The following TENM2 variants were observed in gnomAD, a reference collection of about 807,000 sequenced individuals.
TENM2 encodes teneurin-2.
A neutral mutation model predicts 245.2 loss-of-function variants in TENM2; 52 were observed. The observed-to-expected ratio is 0.21, with a 90% CI of 0.17 to 0.27. TENM2 has a LOEUF of 0.27. Among genes scored for constraint, TENM2 ranks in the 10% least tolerant of loss-of-function variants. TENM2 has a pLI of 1.00. For missense variants in TENM2, 3,046 were observed against 3,666.8 expected (o/e 0.83, Z 4.37); for synonymous variants, 1,363 against 1,438.9 (o/e 0.95, Z 1.19).
intron 2 of TENM2, among the ~76,000 whole-genome samples, chr5:167,859,377 G>A (rs1466192652): frequency 7.5e-5 from 11 of 146,494 alleles, no homozygotes; most frequent in African/African-American, 2.3e-4. Flanking sequence ...CGGGAGGGAG[G>A]TGGGGGGGGT....
chr5:168,031,157 T>TCAGTGCAGTG (rs1664240335), intron 5 of TENM2, among the ~76,000 whole-genome samples: 1 of 152,246 alleles, frequency 6.6e-6, no homozygotes, highest in South Asian at 2.1e-4. Flanking sequence ...GCTTCAAGAG[T>TCAGTGCAGTG]CAGTGCAGTG....
chr5:167,847,258 C>T lies in TENM2; in HGVS notation c.503-28728C>T, dbSNP rs578086422. On this transcript the variant is annotated intron_variant, in intron 2 of 28. Coordinates refer to ENST00000518659, the Ensembl canonical transcript of TENM2. ...ATGAGCCGCCATGCCCAGCCTCACC[C>T]TATCTTTATCCCACATAAATGTCTT... Among the ~76,000 whole-genome samples, 3 of 152,306 alleles carry T rather than the reference C, an allele frequency of 2.0e-5. No homozygotes were observed. In the South Asian group the frequency reaches 6.2e-4, roughly 32 times the overall value.
chr5:167,392,773 C>T (rs1047987167), intron 2 of TENM2, among the ~76,000 whole-genome samples: 5 of 152,112 alleles, frequency 3.3e-5, no homozygotes, highest in Admixed American at 6.6e-5. Flanking sequence ...ATGGCAATAA[C>T]ATTTAACTAC....
intron 2 of TENM2, among the ~76,000 whole-genome samples, chr5:167,445,369 A>AGAGAGAGAGAGAGAGTGAGTGAGT (rs35699708): frequency 3.0e-5 from 3 of 98,578 alleles, no homozygotes; most frequent in African/African-American, 1.5e-4. Context: ...AGAGAGAGAG[A>AGAGAGAGAGAGAGAGTGAGTGAGT]GTGTCAGGTG....
chr5:167,202,233 T>G, the TENM2 span, among the ~76,000 whole-genome samples: 1 of 152,184 alleles, frequency 6.6e-6, no homozygotes, highest in African/African-American at 2.4e-5. Context: ...CAAGTTTCTT[T>G]AGGTTCTTCC....
At chr5:167,684,972 T>C (rs999671399) in intron 2 of TENM2, among the ~76,000 whole-genome samples, 1 of 152,212 alleles carries the variant, frequency 6.6e-6, no homozygotes, top group Admixed American at 6.5e-5. Flanking sequence ...TTATGGAATC[T>C]AGACCACCAG....
intron 5 of TENM2, among the ~76,000 whole-genome samples, chr5:168,011,509 C>T (rs894739907): frequency 1.3e-5 from 2 of 152,174 alleles, no homozygotes; most frequent in African/African-American, 4.8e-5. Context: ...TTGAAAATTC[C>T]TGCTCTAATT....
chr5:167,588,694 A>G (rs1775672540), intron 2 of TENM2, among the ~76,000 whole-genome samples: 1 of 152,380 alleles, frequency 6.6e-6, no homozygotes, highest in South Asian at 2.1e-4. Flanking sequence ...CACATATACA[A>G]AAGACCATTA....
chr5:167,078,062 G>T, the TENM2 span, among the ~76,000 whole-genome samples: 1 of 151,716 alleles, frequency 6.6e-6, no homozygotes, highest in African/African-American at 2.4e-5. Flanking sequence ...TAATTTAATA[G>T]AAATTAAATA....
At chr5:167,853,289 CAAA>C (rs777170514) in intron 2 of TENM2, among the ~76,000 whole-genome samples, 95 of 24,610 alleles carry the variant, frequency 3.9e-3, no homozygotes, top group East Asian at 0.025. Context: ...GACTCCGTCT[CAAA>C]AAAAAAAAAA....
At chr5:167,226,303 G>A in the TENM2 span, among the ~76,000 whole-genome samples, 2 of 151,602 alleles carry the variant, frequency 1.3e-5, no homozygotes, top group African/African-American at 4.8e-5. Flanking sequence ...TTTTCTCTTA[G>A]CAATTCTTTT....
intron 7 of TENM2, among the ~76,000 whole-genome samples, chr5:168,074,252 A>G (rs1791268402): frequency 1.3e-5 from 2 of 152,080 alleles, no homozygotes; most frequent in Non-Finnish European, 2.9e-5. Context: ...TTGGAACTTG[A>G]AAACCACAAT....
At chr5:167,105,627 G>C in the TENM2 span, among the ~76,000 whole-genome samples, 1 of 151,854 alleles carries the variant, frequency 6.6e-6, no homozygotes, top group Non-Finnish European at 1.5e-5. Flanking sequence ...GGTGGCTCAC[G>C]CCTGTAATCC....
At chr5:167,229,031 T>A in the TENM2 span, among the ~76,000 whole-genome samples, 1 of 152,012 alleles carries the variant, frequency 6.6e-6, no homozygotes, top group Non-Finnish European at 1.5e-5. Flanking sequence ...CATAAGGGAG[T>A]TTCACCCCCG....
intron 2 of TENM2, among the ~76,000 whole-genome samples, chr5:167,752,977 ATT>A (rs1722776152): frequency 6.6e-6 from 1 of 152,122 alleles, no homozygotes. Flanking sequence ...CTAGAAACAC[ATT>A]TTTTAGCCAA....
At chr5:167,886,926 C>T (rs1225763807) in intron 3 of TENM2, among the ~76,000 whole-genome samples, 1 of 152,168 alleles carries the variant, frequency 6.6e-6, no homozygotes, top group Non-Finnish European at 1.5e-5. Flanking sequence ...TTGCGTCAAA[C>T]CCACAGATGG....
At chr5:167,923,999 A>G (rs1039503393) in intron 3 of TENM2, among the ~76,000 whole-genome samples, 4 of 152,236 alleles carry the variant, frequency 2.6e-5, no homozygotes, top group African/African-American at 9.6e-5. Context: ...TGGTGTGAGC[A>G]TGCTTTTGTG....
At chr5:167,428,735 T>G (rs1177617312) in intron 2 of TENM2, among the ~76,000 whole-genome samples, 1 of 152,216 alleles carries the variant, frequency 6.6e-6, no homozygotes, top group Non-Finnish European at 1.5e-5. Flanking sequence ...AAAGAGCATT[T>G]TCTGTATCCC....
chr5:167,477,341 C>T (rs541341069), intron 2 of TENM2, among the ~76,000 whole-genome samples: 5 of 150,554 alleles, frequency 3.3e-5, no homozygotes, highest in African/African-American at 4.9e-5. Flanking sequence ...AGGAACCAGC[C>T]GTTTTCCTCT....
Sources: allele counts gnomAD v4.1 joint callset (sites outside exome capture counted in the v4.1 genomes callset), GRCh38; gene constraint gnomAD v4.1.1; transcripts MANE v1.5; gene names NCBI Gene and HGNC (gene_info 2026-07-23, HGNC 2026-07-21).